Variants in STK31 observed in about 807,000 individuals in gnomAD.
STK31 encodes the protein serine/threonine kinase 31.
A neutral mutation model predicts 129.7 loss-of-function variants in STK31; 89 were observed. The ratio of observed to expected loss-of-function variants is 0.69; its 90% CI spans 0.58 to 0.82. The LOEUF (loss-of-function observed/expected upper bound fraction) is 0.82. STK31 is among the 40% of genes least tolerant of loss of function. STK31 has a pLI of 0.00. For missense variants in STK31, 1,187 were observed against 1,176.4 expected (o/e 1.01, Z -0.13); for synonymous variants, 448 against 395.3 (o/e 1.13, Z -1.58).
chr7:23,823,701 G>C (rs1470282510), intron 23 of STK31, among the ~76,000 whole-genome samples: 1 of 152,186 alleles, frequency 6.6e-6, no homozygotes, highest in East Asian at 1.9e-4. Flanking sequence ...GTATTGCCTA[G>C]TTATTCTTCT....
At chr7:23,784,747 A>C (rs1469396978) in intron 17 of STK31, among the ~76,000 whole-genome samples, 1 of 152,144 alleles carries the variant, frequency 6.6e-6, no homozygotes, top group African/African-American at 2.4e-5. Flanking sequence ...CCACAGTAAA[A>C]CTTAGCTTTG....
In STK31 at chr7:23,750,071, C is replaced by G. The variant is rs955176849; in HGVS notation, c.1018-2646C>G. 3.4e-5 allele frequency among the ~76,000 whole-genome samples: 4 copies of G among 117,354 alleles called. 1 individual carries two copies. The highest frequency in any genetic ancestry group is 7.6e-5 in the Non-Finnish European group (4 of 52,498). 77.0% of individuals were successfully genotyped at this position (117,354 alleles called of 152,430 possible). A position where few individuals can be genotyped will look rare whatever the true frequency, so the allele number is the denominator to read the frequency against. ...GATATTTCAGAATGGTTTGTTTCCC[C>G]CCCCGCCACTGCTGGAAACATGAGG... On this transcript the variant is annotated intron_variant, in intron 8 of 23. Coordinates refer to ENST00000355870, the MANE Select transcript of STK31 (RefSeq NM_031414.5).
chr7:23,828,982 C>T (rs1794375542), intron 23 of STK31, among the ~76,000 whole-genome samples: 1 of 152,030 alleles, frequency 6.6e-6, no homozygotes, highest in Admixed American at 6.5e-5. Flanking sequence ...GCGCTGCAAC[C>T]TCCACCTCCT....
At chr7:23,757,356 C>T (rs954063369) in intron 10 of STK31, among the ~76,000 whole-genome samples, 1 of 152,000 alleles carries the variant, frequency 6.6e-6, no homozygotes, top group African/African-American at 2.4e-5. Flanking sequence ...GACCCGCGCC[C>T]GCCGGCAAAG....
At chr7:23,750,067 T>TCCACCCCCCCCCCC (rs1554287953) in intron 8 of STK31, among the ~76,000 whole-genome samples, 1 of 90,558 alleles carries the variant, frequency 1.1e-5, no homozygotes, top group Non-Finnish European at 2.3e-5. Flanking sequence ...ATGGTTTGTT[T>TCCACCCCCCCCCCC]CCCCCCCCGC....
chr7:23,795,759 G>C (rs1477881966), intron 22 of STK31, among the ~76,000 whole-genome samples: 1 of 152,218 alleles, frequency 6.6e-6, no homozygotes, highest in African/African-American at 2.4e-5. Context: ...AGTCAAAGGA[G>C]ATCATTTTGG....
intron 22 of STK31, among the ~76,000 whole-genome samples, chr7:23,809,710 A>G (rs1197685679): frequency 1.3e-5 from 2 of 152,222 alleles, no homozygotes; most frequent in African/African-American, 2.4e-5. Context: ...AAGGGACTAC[A>G]TTATCTGTTT....
chr7:23,722,451 T>G (rs1435224993), intron 4 of STK31: 1 of 153,118 alleles, frequency 6.5e-6, no homozygotes, highest in African/African-American at 2.4e-5. Flanking sequence ...TCTGGAAGCT[T>G]CGTCTCAGAG....
At chr7:23,789,838 G>A (rs1791511944) in intron 21 of STK31, among the ~76,000 whole-genome samples, 1 of 151,940 alleles carries the variant, frequency 6.6e-6, no homozygotes, top group Admixed American at 6.6e-5. Flanking sequence ...CCAAAACATT[G>A]TTTTTAATTT....
chr7:23,750,412 A>C (rs945743103), intron 8 of STK31, among the ~76,000 whole-genome samples: 5 of 152,176 alleles, frequency 3.3e-5, no homozygotes, highest in African/African-American at 1.2e-4. Flanking sequence ...AGATCTGAGA[A>C]AAGTTGTTGA....
intron 15 of STK31, among the ~76,000 whole-genome samples, chr7:23,774,795 T>C (rs979548240): frequency 6.6e-6 from 1 of 152,242 alleles, no homozygotes; most frequent in Non-Finnish European, 1.5e-5. Flanking sequence ...ATCCCATTTG[T>C]CAATTTTGTC....
intron 15 of STK31, among the ~76,000 whole-genome samples, chr7:23,778,996 G>A (rs539648642): frequency 6.6e-6 from 1 of 152,136 alleles, no homozygotes; most frequent in Non-Finnish European, 1.5e-5. Flanking sequence ...CTTTGATGTT[G>A]GTGACCTTTG....
At chr7:23,806,929 T>C (rs1173683053) in intron 22 of STK31, among the ~76,000 whole-genome samples, 2 of 142,290 alleles carry the variant, frequency 1.4e-5, no homozygotes, top group Admixed American at 1.4e-4. Flanking sequence ...AAAAGAGAGA[T>C]ACAGGATGGA....
At chr7:23,798,800 C>CAA (rs1241243188) in intron 22 of STK31, among the ~76,000 whole-genome samples, 1 of 152,158 alleles carries the variant, frequency 6.6e-6, no homozygotes, top group African/African-American at 2.4e-5. Context: ...GAGAGACAGT[C>CAA]AAAGTCTGTC....
chr7:23,754,360 T>C lies in STK31; in HGVS notation c.1179T>C (p.Ala393=), dbSNP rs566905780. The change falls in exon 10 of 24, where the codon GCT becomes GCC. Residue 393 remains alanine, a synonymous_variant. Coordinates refer to ENST00000355870, the MANE Select transcript of STK31 (RefSeq NM_031414.5). ...SVRFGKDLSD[A]IQVLDEGCFT... Reference sequence around the variant, plus strand: ...GTTTCGGAAAAGACCTTTCAGATGCTATACAAGTGTTGGATGAAGGGTGCT... The same window carrying C: ...GTTTCGGAAAAGACCTTTCAGATGCCATACAAGTGTTGGATGAAGGGTGCT... 2.0e-5 allele frequency: 32 copies of C among 1,614,078 alleles called. No homozygotes were observed. The African/African-American group carries it at 3.6e-4, about 18-fold the overall frequency.
chr7:23,787,957 C>A, intron 20 of STK31, 23 bp from the exon 21 acceptor site: 1 of 1,491,722 alleles, frequency 6.7e-7, no homozygotes, highest in Non-Finnish European at 8.9e-7. Context: ...TTCCTCACTT[C>A]TTTTATGTGT....
At chr7:23,726,378 G>T (rs1475769810) in intron 4 of STK31, 1 of 123,064 alleles carries the variant, frequency 8.1e-6, no homozygotes, top group Non-Finnish European at 1.6e-5. Flanking sequence ...CTACTTTGAA[G>T]TTCGAGAAAA....
rs533219688 is a variant in STK31, at chr7:23,714,702, A to C, written c.150+2416A>C. On this transcript the variant is annotated intron_variant, in intron 3 of 23. Coordinates refer to ENST00000355870, the MANE Select transcript of STK31 (RefSeq NM_031414.5). ...GTGGGTATTGGCTATTGTATTCACT[A>C]GTGCAGCTCTAGACTTTGATTTCAG... Among the ~76,000 whole-genome samples, 3 of 152,310 alleles carry C rather than the reference A, an allele frequency of 2.0e-5. No homozygotes were observed. In the South Asian group the frequency reaches 6.2e-4, roughly 32 times the overall value.
Position 23,771,082 on chromosome 7 carries a change from G to A in STK31, c.1791G>A (p.Arg597=), listed in dbSNP as rs541023211. 1 of 1,612,884 alleles carries A rather than the reference G, an allele frequency of 6.2e-7. No homozygotes were observed. The highest frequency in any genetic ancestry group is 8.5e-7 in the Non-Finnish European group (1 of 1,179,360). Residue 597 remains arginine, a synonymous_variant, in exon 14 of 24, where the codon AGG becomes AGA. Coordinates refer to ENST00000355870, the MANE Select transcript of STK31 (RefSeq NM_031414.5). The part of the protein sequence containing the change: ...QVLQKIHSEE[R]LIATVQAKYK... ...TGCAAAAGATTCATTCAGAGGAAAG[G>A]CTCATTGCCACAGTACAAGCTAAGT...
Sources: gnomAD v4.1 joint callset for allele counts (sites outside exome capture counted in the v4.1 genomes callset) on GRCh38, gnomAD v4.1.1 for gene constraint, MANE v1.5 for transcripts, NCBI Gene and HGNC (gene_info 2026-07-23, HGNC 2026-07-21) for gene names.